The following PRPF38B variants were observed in gnomAD, a reference collection of about 807,000 sequenced individuals.
PRPF38B encodes the protein pre-mRNA processing factor 38B, also known as pre-mRNA-splicing factor 38B.
Under a neutral mutation model 67.2 loss-of-function variants are expected in PRPF38B, and 18 were observed. That is an observed-to-expected ratio of 0.27 (90% CI 0.19 to 0.40). The LOEUF is 0.40. Ranked by LOEUF, PRPF38B falls within the 10% of genes least tolerant of loss-of-function variation. PRPF38B has a pLI of 1.00. For missense variants in PRPF38B, 544 were observed against 684.9 expected, an observed-to-expected ratio of 0.79 and a Z score of 2.30; for synonymous variants, 246 against 234.2, an observed-to-expected ratio of 1.05 and a Z score of -0.46.
chr1:108,692,432 G>A lies in PRPF38B; in HGVS notation c.-160G>A, dbSNP rs923055183. ...CTCTTGGCCCGGGGTCATTTTGTCG[G>A]CGTCGGGTGCCCTCTCTTGCCCAGC... On this transcript the variant is annotated 5_prime_UTR_variant, in exon 1 of 6. Transcript: ENST00000370025. 1.4e-5 allele frequency: 11 copies of A among 808,026 alleles called. No homozygotes were observed. Among genetic ancestry groups the A allele is most frequent in the Middle Eastern group, 3.7e-4 (1 of 2,724 alleles). 50.1% of individuals were successfully genotyped at this position (808,026 alleles called of 1,614,324 possible).
chr1:108,697,564 G>A (rs565408347), intron 4 of PRPF38B: 9 of 137,532 alleles, frequency 6.5e-5, no homozygotes, highest in Admixed American at 2.1e-4. Flanking sequence ...TTTTTTGCCT[G>A]TTAACTGAGT....
In PRPF38B at chr1:108,702,903, A is replaced by T. The variant is rs906111214; in HGVS notation, c.*2883A>T. Among the ~76,000 whole-genome samples the T allele has an allele frequency of 6.6e-6, 1 of 152,176 alleles. No individual in the cohort carries two copies. Among genetic ancestry groups the T allele is most frequent in the African/African-American group, 2.4e-5 (1 of 41,442 alleles). The stretch of plus-strand genomic sequence containing the variant: ...TGCCTGTTTTTAATGTTCAATTTGC[A>T]ATTAAATTCTATACATGGGCGAGTA... On this transcript the variant is annotated 3_prime_UTR_variant, in exon 6 of 6. Coordinates refer to ENST00000370025, the MANE Select transcript of PRPF38B (RefSeq NM_018061.4).
rs956098459 is a variant in PRPF38B, at chr1:108,702,786, TAAAA to T, written c.*2770_*2773del. Among the ~76,000 whole-genome samples the T allele has an allele frequency of 2.0e-4, 31 of 152,248 alleles. No individual in the cohort carries two copies. The highest frequency in any genetic ancestry group is 7.0e-4 in the African/African-American group (29 of 41,546). Reference sequence around the variant, plus strand: ...ATGTATCTGAACTTAAAGTATAATTTAAAAAAATTTTTAATACAGCTTAATAAGC... The same window carrying T: ...ATGTATCTGAACTTAAAGTATAATTTAAATTTTTAATACAGCTTAATAAGC... On this transcript the variant is annotated 3_prime_UTR_variant, in exon 6 of 6. Transcript: ENST00000370025.
Position 108,699,645 on chromosome 1 carries a change from G to GA in PRPF38B, c.1272dup (p.His425ThrfsTer3). 1 of 1,563,578 alleles carries GA rather than the reference G, an allele frequency of 6.4e-7. No homozygotes were observed. The highest frequency in any genetic ancestry group is 8.7e-7 in the Non-Finnish European group (1 of 1,154,150). On this transcript the variant is annotated frameshift_variant, in exon 6 of 6. Coordinates refer to ENST00000370025, the MANE Select transcript of PRPF38B (RefSeq NM_018061.4). LOFTEE classifies it high-confidence loss of function. ...ATGACAAAAGAGATTCCAAGAAAGA[G>GA]AAAAAACACAGTAGAAGCAGAAGCA...
rs1162157733 is a variant in PRPF38B at position 108,701,025 on chromosome 1, T to A, written c.*1005T>A. Reference sequence around the variant, plus strand: ...TTTATTGATAATGGAGATTGCTGTTTGAGTTTTTAAACTTAATCTAGAACA... The same window carrying A: ...TTTATTGATAATGGAGATTGCTGTTAGAGTTTTTAAACTTAATCTAGAACA... On this transcript the variant is annotated 3_prime_UTR_variant, in exon 6 of 6. Transcript: ENST00000370025. 6.6e-6 allele frequency: 1 copy of A among 152,650 alleles called. No homozygotes were observed. The highest frequency in any genetic ancestry group is 2.4e-5 in the African/African-American group (1 of 41,464). The allele number at this position is 152,650 out of a possible 1,614,324, so 9.5% of individuals were successfully genotyped here.
intron 4 of PRPF38B, chr1:108,697,063 A>G: frequency 3.2e-6 from 1 of 313,870 alleles, no homozygotes; most frequent in Non-Finnish European, 5.8e-6. Context: ...CAATATAGTG[A>G]GACCTCATCT....
At chr1:108,693,581 C>T (rs1344473324) in intron 1 of PRPF38B, 21 of 984,032 alleles carry the variant, frequency 2.1e-5, no homozygotes, top group Non-Finnish European at 2.4e-5. Context: ...GTTCTTGTTT[C>T]GTTAGCAGGA....
chr1:108,693,525 G>A, intron 1 of PRPF38B: 1 of 817,100 alleles, frequency 1.2e-6, no homozygotes, highest in Non-Finnish European at 1.5e-6. Context: ...TGGCTTGGCT[G>A]TGCTGGGGAG....
intron 1 of PRPF38B, among the ~76,000 whole-genome samples, chr1:108,693,068 C>T (rs1329975567): frequency 1.3e-5 from 2 of 152,050 alleles, no homozygotes; most frequent in Admixed American, 6.5e-5. Flanking sequence ...TTTTTAGGGC[C>T]GGGAGAGCCC....
chr1:108,698,378 T>G, intron 4 of PRPF38B: 1 of 447,780 alleles, frequency 2.2e-6, no homozygotes, highest in African/African-American at 2.0e-5. Flanking sequence ...CTGAGTGAGA[T>G]CAGTTCCCTT....
rs887368513 is a variant in PRPF38B at position 108,699,232 on chromosome 1, G to A, written c.853G>A (p.Gly285Ser). The part of the protein sequence containing the change: ...RSRSRSHHRE[G>S]HGSSSFDREL... ...AAGAAGTAGAAGTCATCATCGGGAGGGCCATGGGTCTTCTAGTTTTGACAG... is the reference window on the plus strand; with the variant it reads ...AAGAAGTAGAAGTCATCATCGGGAGAGCCATGGGTCTTCTAGTTTTGACAG... The change falls in exon 6 of 6, where the codon GGC becomes AGC. Residue 285 changes from glycine (G) to serine (S), a missense_variant. Gly to Ser is a moderately conservative substitution (Grantham distance 56). Transcript: ENST00000370025. The A allele has an allele frequency of 1.2e-6, 2 of 1,614,132 alleles. No individual in the cohort carries two copies. The highest frequency in any genetic ancestry group is 3.3e-5 in the Admixed American group (2 of 60,016).
intron 3 of PRPF38B, 23 bp from the exon 4 acceptor site, chr1:108,696,254 A>G: frequency 6.2e-7 from 1 of 1,611,580 alleles, no homozygotes; most frequent in Non-Finnish European, 8.5e-7. Context: ...CATGTGTTTA[A>G]TAATAGTCTT....
In PRPF38B at chr1:108,699,562, A is replaced by C; in HGVS notation, c.1183A>C (p.Arg395=). 3 of 1,553,924 alleles carry C rather than the reference A, an allele frequency of 1.9e-6. No homozygotes were observed. Among genetic ancestry groups the C allele is most frequent in the Non-Finnish European group, 2.6e-6 (3 of 1,148,172 alleles). ...AGAAAGGTCCAAGGAACAGAGAAGT[A>C]GGGGAGAGGTAGAAGAGAAGAAACA... ...SRERSKEQRS[R]GEVEEKKHKE... is the part of the protein sequence containing the mutation. Residue 395 remains arginine, a synonymous_variant, in exon 6 of 6, where the codon AGG becomes CGG. Coordinates refer to ENST00000370025, the MANE Select transcript of PRPF38B (RefSeq NM_018061.4).
intron 4 of PRPF38B, 67 bp from the exon 5 acceptor site, chr1:108,698,537 T>G: frequency 8.9e-7 from 1 of 1,123,754 alleles, no homozygotes; most frequent in Non-Finnish European, 1.3e-6. Flanking sequence ...GGTAATATTT[T>G]TATAATATTC....
rs746904980 is a variant in PRPF38B, at chr1:108,696,242, C to T, written c.498-35C>T. On this transcript the variant is annotated intron_variant, in intron 3 of 5. Transcript: ENST00000370025. ...TTCCAGTAAATATCTCATTTTAATT[C>T]ACATGTGTTTAATAATAGTCTTTTG... 2.3e-5 allele frequency: 37 copies of T among 1,610,026 alleles called. No individual in the cohort carries two copies. The East Asian group carries it at 8.0e-4, about 35-fold the overall frequency.
chr1:108,697,031 G>C (rs745956649), intron 4 of PRPF38B: 1 of 439,256 alleles, frequency 2.3e-6, no homozygotes, highest in Non-Finnish European at 4.0e-6. Flanking sequence ...CCAACACTTC[G>C]AGAGTTCAAG....
chr1:108,699,946 G>T lies in PRPF38B; in HGVS notation c.1567G>T (p.Asp523Tyr). 6.2e-7 allele frequency: 1 copy of T among 1,613,622 alleles called. No individual in the cohort carries two copies. Among genetic ancestry groups the T allele is most frequent in the Non-Finnish European group, 8.5e-7 (1 of 1,179,890 alleles). Residue 523 changes from aspartate to tyrosine, a missense_variant, in exon 6 of 6, where the codon GAT becomes TAT. By Grantham distance (160) the Asp-to-Tyr change is radical. This residue lies in a region of PRPF38B where 387 missense variants were observed against 386.1 expected (regional missense o/e 1.00). Transcript: ENST00000370025. ...SDSKDQSDKHDRRRSQSIEQE... is the reference protein window; with the variant it reads ...SDSKDQSDKHYRRRSQSIEQE... ...TAGTAAGGACCAGTCAGACAAACAT[G>T]ATCGTCGAAGGAGCCAAAGTATAGA...
In PRPF38B at chr1:108,699,956, G is replaced by A; in HGVS notation, c.1577G>A (p.Arg526Lys). Residue 526 changes from arginine to lysine, a missense_variant, in exon 6 of 6, where the codon AGG (arginine) becomes AAG (lysine). Physicochemically the swap from Arg to Lys is conservative, Grantham distance 26 (BLOSUM62 2). This residue lies in a region of PRPF38B where 387 missense variants were observed against 386.1 expected (regional missense o/e 1.00). Coordinates refer to ENST00000370025, the MANE Select transcript of PRPF38B (RefSeq NM_018061.4). ...CAGTCAGACAAACATGATCGTCGAA[G>A]GAGCCAAAGTATAGAACAAGAGAGC... ...KDQSDKHDRR[R>K]SQSIEQESQE... 6.2e-7 allele frequency: 1 copy of A among 1,612,944 alleles called. No homozygotes were observed. Among genetic ancestry groups the A allele is most frequent in the Non-Finnish European group, 8.5e-7 (1 of 1,179,744 alleles).
At chr1:108,696,763 A>C (rs1196824720) in intron 4 of PRPF38B, 1 of 716,942 alleles carries the variant, frequency 1.4e-6, no homozygotes, top group Admixed American at 2.0e-5. Context: ...AGCTTCTTCC[A>C]AATATCAGTA....
Sources: allele counts gnomAD v4.1 joint callset (sites outside exome capture counted in the v4.1 genomes callset), GRCh38; gene constraint gnomAD v4.1.1; regional missense constraint gnomAD v4.1.1; transcripts MANE v1.5; gene names NCBI Gene and HGNC (gene_info 2026-07-23, HGNC 2026-07-21).